PIEZO2: variants seen among roughly 807,000 people sequenced by gnomAD.
The protein encoded by PIEZO2 is piezo-type mechanosensitive ion channel component 2.
A neutral mutation model predicts 337.3 loss-of-function variants in PIEZO2; 172 were observed. The observed-to-expected ratio is 0.51, with a 90% confidence interval of 0.45 to 0.58. PIEZO2 has a LOEUF of 0.58. PIEZO2 is among the 20% of genes least tolerant of loss of function. The probability of loss-of-function intolerance (pLI) is 0.00; values close to 1 mark genes in which losing one functional copy is unlikely to be tolerated. For synonymous variants in PIEZO2, 1,251 were observed against 1,228.5 expected, an observed-to-expected ratio of 1.02 and a Z score of -0.38; for missense variants, 3,028 against 3,391.3, an observed-to-expected ratio of 0.89 and a Z score of 2.66.
In PIEZO2 at chr18:10,775,520, C is replaced by T. The variant is rs115257151; in HGVS notation, c.2535-1482G>A. Among the ~76,000 whole-genome samples the T allele has an allele frequency of 0.025, 3,760 of 152,284 alleles. 149 individuals are homozygous for T. Among genetic ancestry groups the T allele is most frequent in the African/African-American group, 0.086 (3,554 of 41,534 alleles). On this transcript the variant is annotated intron_variant, in intron 18 of 55. Coordinates refer to ENST00000674853, the MANE Select transcript of PIEZO2 (RefSeq NM_001378183.1). This position sits in a 1 kb window ranked among gnomAD's most constrained non-coding sequence, Gnocchi z 4.3. ...ATCTTAAAGGTCTACATTGACACTG[C>T]TGCAATCTCATACGACAAGAAAACT...
chr18:11,019,585 G>T (rs747886068), intron 2 of PIEZO2, among the ~76,000 whole-genome samples: 1 of 152,150 alleles, frequency 6.6e-6, no homozygotes, highest in African/African-American at 2.4e-5. Flanking sequence ...ACGGAAGACA[G>T]TTTTCTAGTT....
chr18:10,887,065 C>CTTTTTTTTTT (rs143421507), intron 4 of PIEZO2, among the ~76,000 whole-genome samples: 2 of 91,396 alleles, frequency 2.2e-5, no homozygotes, highest in Non-Finnish European at 4.0e-5. Context: ...AGGTGACACA[C>CTTTTTTTTTT]TTTTTTTTTT....
rs973830839 is a variant in PIEZO2, at chr18:11,128,351, T to C, written c.64+20174A>G. Among the ~76,000 whole-genome samples the C allele has an allele frequency of 1.3e-5, 2 of 152,086 alleles. No homozygotes were observed. The highest frequency in any genetic ancestry group is 4.8e-5 in the African/African-American group (2 of 41,410). On this transcript the variant is annotated intron_variant, in intron 1 of 55. Coordinates refer to ENST00000674853, the MANE Select transcript of PIEZO2 (RefSeq NM_001378183.1). This position sits in a 1 kb window ranked among gnomAD's most constrained non-coding sequence, Gnocchi z 4.1. ...CAGACACAAGCTCTTATCATGAGAG[T>C]GGCTGACCTGCAACGAAAGATACAT... is the stretch of plus-strand genomic sequence containing the variant.
Position 11,148,664 on chromosome 18 carries a change from C to A in PIEZO2, c.-76G>T. 8 of 1,463,668 alleles carry A rather than the reference C, an allele frequency of 5.5e-6. No homozygotes were observed. The highest frequency in any genetic ancestry group is 3.6e-5 in the South Asian group (3 of 82,392). 90.7% of individuals were successfully genotyped at this position (1,463,668 alleles called of 1,614,324 possible). On this transcript the variant is annotated 5_prime_UTR_variant, in exon 1 of 56. Coordinates refer to ENST00000674853, the MANE Select transcript of PIEZO2 (RefSeq NM_001378183.1). This position sits in a 1 kb window ranked among gnomAD's most constrained non-coding sequence, Gnocchi z 5.2. ...GGGGTGGTGGGACGCAAGGCCCATG[C>A]CCGTCTATGGCCTCTCGCCGCCGGC... is the stretch of plus-strand genomic sequence containing the variant.
In PIEZO2 at chr18:10,846,559, C is replaced by T. The variant is rs2041370261; in HGVS notation, c.917+8794G>A. Among the ~76,000 whole-genome samples, 1 of 152,054 alleles carries T rather than the reference C, an allele frequency of 6.6e-6. No individual in the cohort carries two copies. Among genetic ancestry groups the T allele is most frequent in the African/African-American group, 2.4e-5 (1 of 41,406 alleles). On this transcript the variant is annotated intron_variant, in intron 7 of 55. Transcript: ENST00000674853. The surrounding 1 kb of genome is among the most constrained non-coding windows in gnomAD (Gnocchi z 4.1). ...CAATGTATGTCAGCAGTGTTAAATC[C>T]TGAGAGTACCAAAGCCAAAAAAGCC...
In PIEZO2 at chr18:11,066,576, G is replaced by A. The variant is rs139158527; in HGVS notation, c.65-354C>T. ...GACACCAAACACATAAAATGTTATTGGGGGTGGACTATAAAAGTGCAGACT... is the reference window on the plus strand; with the variant it reads ...GACACCAAACACATAAAATGTTATTAGGGGTGGACTATAAAAGTGCAGACT... On this transcript the variant is annotated intron_variant, in intron 1 of 55. Transcript: ENST00000674853. Among the ~76,000 whole-genome samples, 988 of 152,278 alleles carry A rather than the reference G, an allele frequency of 6.5e-3. 10 individuals are homozygous for A. The highest frequency in any genetic ancestry group is 0.023 in the African/African-American group (947 of 41,562).
chr18:10,898,861 T>G (rs1233053228), intron 4 of PIEZO2, among the ~76,000 whole-genome samples: 3 of 151,772 alleles, frequency 2.0e-5, no homozygotes, highest in African/African-American at 7.3e-5. Flanking sequence ...AGGAGTGGGG[T>G]GGGGGCTCAG....
chr18:11,048,107 T>C lies in PIEZO2; in HGVS notation c.160+18020A>G, dbSNP rs941369210. On this transcript the variant is annotated intron_variant, in intron 2 of 55. Transcript: ENST00000674853. This position sits in a 1 kb window ranked among gnomAD's most constrained non-coding sequence, Gnocchi z 4.5. ...GCGGCAGCCACTGCCACCAACAGCA[T>C]GTGACACCTCTTCAAGCCTGAAAGC... 9.2e-5 allele frequency among the ~76,000 whole-genome samples: 14 copies of C among 152,152 alleles called. No individual in the cohort carries two copies. The highest frequency in any genetic ancestry group is 3.4e-4 in the African/African-American group (14 of 41,418).
At position 11,127,378 on chromosome 18, in the gene PIEZO2, T is replaced by C. The variant is rs1381657102; in HGVS notation, c.64+21147A>G. Reference sequence around the variant, plus strand: ...ACGATGTATTGATCCTGGGTGTGTCTGGGAGGGTGTTGCCAAAAGAGATTA... The same window carrying C: ...ACGATGTATTGATCCTGGGTGTGTCCGGGAGGGTGTTGCCAAAAGAGATTA... On this transcript the variant is annotated intron_variant, in intron 1 of 55. Coordinates refer to ENST00000674853, the MANE Select transcript of PIEZO2 (RefSeq NM_001378183.1). The surrounding 1 kb of genome is among the most constrained non-coding windows in gnomAD (Gnocchi z 4.5). Among the ~76,000 whole-genome samples the C allele has an allele frequency of 6.6e-6, 1 of 152,196 alleles. No individual in the cohort carries two copies. Among genetic ancestry groups the C allele is most frequent in the Non-Finnish European group, 1.5e-5 (1 of 68,030 alleles).
intron 33 of PIEZO2, chr18:10,740,088 T>TAAGATACA (rs11280964): frequency 6.6e-6 from 1 of 151,538 alleles, no homozygotes; most frequent in African/African-American, 2.4e-5. Context: ...AGACATCATG[T>TAAGATACA]AAAGACTGAA....
intron 2 of PIEZO2, among the ~76,000 whole-genome samples, chr18:11,012,604 T>G (rs1022886443): frequency 1.3e-5 from 2 of 152,202 alleles, no homozygotes; most frequent in Non-Finnish European, 2.9e-5. Context: ...TTTTAAACCC[T>G]CATTATGAGA....
At chr18:10,978,545 A>G (rs1447059297) in intron 3 of PIEZO2, among the ~76,000 whole-genome samples, 2 of 152,210 alleles carry the variant, frequency 1.3e-5, no homozygotes, top group African/African-American at 4.8e-5. Context: ...TTAGCTCTCT[A>G]TCTAACAGTT....
intron 21 of PIEZO2, among the ~76,000 whole-genome samples, chr18:10,764,061 G>A (rs1293921926): frequency 3.3e-5 from 5 of 152,158 alleles, no homozygotes; most frequent in African/African-American, 1.2e-4. Context: ...TTGACTTTGG[G>A]CTGCATGCGA....
intron 8 of PIEZO2, among the ~76,000 whole-genome samples, chr18:10,805,934 A>G (rs993307114): frequency 2.6e-5 from 4 of 152,344 alleles, no homozygotes; most frequent in African/African-American, 7.2e-5. Flanking sequence ...TACAGTCACT[A>G]TCTGATTTAC....
intron 4 of PIEZO2, among the ~76,000 whole-genome samples, chr18:10,871,888 C>CT (rs1374480165): frequency 6.6e-6 from 1 of 152,160 alleles, no homozygotes; most frequent in Non-Finnish European, 1.5e-5. Context: ...TTGATTTTGT[C>CT]TTCTGTATTG....
In PIEZO2 at chr18:11,021,173, G is replaced by C. The variant is rs1254228104; in HGVS notation, c.161-41513C>G. 3.3e-5 allele frequency among the ~76,000 whole-genome samples: 5 copies of C among 152,040 alleles called. No homozygotes were observed. The highest frequency in any genetic ancestry group is 6.6e-5 in the Admixed American group (1 of 15,266). ...AAAGAAACTCTAGTCATCTCCACCG[G>C]TTCTCCAAACCACACCATCTCAACC... On this transcript the variant is annotated intron_variant, in intron 2 of 55. Transcript: ENST00000674853. This position sits in a 1 kb window ranked among gnomAD's most constrained non-coding sequence, Gnocchi z 4.7.
At chr18:10,999,978 A>G (rs1357584553) in intron 2 of PIEZO2, among the ~76,000 whole-genome samples, 1 of 152,228 alleles carries the variant, frequency 6.6e-6, no homozygotes, top group Non-Finnish European at 1.5e-5. Context: ...ATGTTGACTT[A>G]TAAAAATGGC....
At chr18:10,791,365 T>C (rs1334116179) in intron 13 of PIEZO2, 41 bp from the exon 14 acceptor site, 1 of 1,453,598 alleles carries the variant, frequency 6.9e-7, no homozygotes, top group East Asian at 2.6e-5. Flanking sequence ...TAAGCAACCA[T>C]TTGGAATGTA....
rs533976397 is a variant in PIEZO2, at chr18:10,775,126, T to G, written c.2535-1088A>C. Among the ~76,000 whole-genome samples, 1 of 152,332 alleles carries G rather than the reference T, an allele frequency of 6.6e-6. No individual in the cohort carries two copies. The highest frequency in any genetic ancestry group is 1.9e-4 in the East Asian group (1 of 5,186). ...AGTATGCCAGAAACAGATTGTTAATTTAATGAAGAGAGAGAATCTGAAGCG... is the reference window on the plus strand; with the variant it reads ...AGTATGCCAGAAACAGATTGTTAATGTAATGAAGAGAGAGAATCTGAAGCG... On this transcript the variant is annotated intron_variant, in intron 18 of 55. Transcript: ENST00000674853. The surrounding 1 kb of genome is among the most constrained non-coding windows in gnomAD (Gnocchi z 4.3).
Sources: allele counts gnomAD v4.1 joint callset (sites outside exome capture counted in the v4.1 genomes callset), GRCh38; gene constraint gnomAD v4.1.1; non-coding constraint Gnocchi (gnomAD v3.1); transcripts MANE v1.5; gene names NCBI Gene and HGNC (gene_info 2026-07-23, HGNC 2026-07-21).